Variants in NAALADL2 observed in about 807,000 individuals in gnomAD.
NAALADL2 encodes N-acetylated alpha-linked acidic dipeptidase like 2.
NAALADL2 carries 76 observed loss-of-function variants against 87.2 expected under a neutral mutation model. The ratio of observed to expected loss-of-function variants is 0.87; its 90% confidence interval spans 0.72 to 1.05. The LOEUF (loss-of-function observed/expected upper bound fraction) is 1.05. Ranked by LOEUF, NAALADL2 falls within the 50% of genes least tolerant of loss-of-function variation. NAALADL2 has a pLI of 0.00. For synonymous variants in NAALADL2, 354 were observed against 331.0 expected (o/e 1.07, Z -0.75); for missense variants, 1,089 against 945.8 (o/e 1.15, Z -1.99).
chr3:175,485,933 A>G (rs1022073614), intron 9 of NAALADL2, among the ~76,000 whole-genome samples: 3 of 152,178 alleles, frequency 2.0e-5, no homozygotes, highest in Non-Finnish European at 4.4e-5. Flanking sequence ...TGAGGATACA[A>G]TGAAGTGACA....
chr3:175,480,198 G>T (rs1726252770), intron 9 of NAALADL2, among the ~76,000 whole-genome samples: 1 of 151,676 alleles, frequency 6.6e-6, no homozygotes. Flanking sequence ...TATCTATATT[G>T]TGCCTTAACA....
chr3:174,857,437 C>T (rs1725980156), upstream of NAALADL2, among the ~76,000 whole-genome samples: 2 of 152,106 alleles, frequency 1.3e-5, no homozygotes, highest in Non-Finnish European at 2.9e-5. Flanking sequence ...CCACTTTCAT[C>T]GTAATTTACC....
intron 1 of NAALADL2, among the ~76,000 whole-genome samples, chr3:174,960,822 A>G (rs1311076046): frequency 6.6e-6 from 1 of 151,798 alleles, no homozygotes; most frequent in Non-Finnish European, 1.5e-5. Flanking sequence ...AATAAAATCA[A>G]ATGCTCTAGG....
rs114834260 is a variant in NAALADL2, at chr3:174,485,910, A to G, written c.-184+44878A>G. 2.4e-3 allele frequency among the ~76,000 whole-genome samples: 368 copies of G among 151,998 alleles called. 3 individuals carry two copies. Among genetic ancestry groups the G allele is most frequent in the African/African-American group, 8.4e-3 (347 of 41,480 alleles). On this transcript the variant is annotated intron_variant, in intron 1 of 3. Coordinates refer to the NAALADL2 transcript ENST00000434257. ...TGATCCATCTTGAGTTGATTTTTGT[A>G]TATGATTTAAGGAAGGTGTCCAGTT...
intron 13 of NAALADL2, among the ~76,000 whole-genome samples, chr3:175,799,117 A>ATGTT (rs1418634006): frequency 4.6e-5 from 7 of 152,238 alleles, no homozygotes; most frequent in Non-Finnish European, 1.0e-4. Flanking sequence ...TGGAGATAAA[A>ATGTT]TGTTTGATAC....
intron 3 of NAALADL2, among the ~76,000 whole-genome samples, chr3:174,840,402 A>G (rs936570921): frequency 1.3e-5 from 2 of 152,160 alleles, no homozygotes; most frequent in Non-Finnish European, 2.9e-5. Context: ...AGATAGGGTC[A>G]TGTTTGCCCT....
chr3:175,779,507 AATT>A (rs200091213), intron 13 of NAALADL2, among the ~76,000 whole-genome samples: 4,753 of 152,024 alleles, frequency 0.031, 97 homozygotes, highest in South Asian at 0.047. Flanking sequence ...ATAGGGCAAA[AATT>A]ATAATGTATT....
intron 2 of NAALADL2, among the ~76,000 whole-genome samples, chr3:174,590,861 ACTAG>A (rs1371595214): frequency 6.6e-6 from 1 of 152,146 alleles, no homozygotes; most frequent in East Asian, 1.9e-4. Context: ...TTCAATAAAT[ACTAG>A]CTATTTCGGT....
intron 9 of NAALADL2, among the ~76,000 whole-genome samples, chr3:175,545,285 C>T (rs776172583): frequency 2.0e-5 from 3 of 152,132 alleles, no homozygotes; most frequent in Non-Finnish European, 4.4e-5. Flanking sequence ...TATTTTCTGA[C>T]AGCCCTGACT....
chr3:175,124,480 C>G (rs1726632933), intron 2 of NAALADL2: 1 of 151,970 alleles, frequency 6.6e-6, no homozygotes, highest in African/African-American at 2.4e-5. Flanking sequence ...GGAAAGGCAA[C>G]TGTAGCCACA....
rs548083728 is a variant in NAALADL2 at position 175,620,504 on chromosome 3, C to A, written c.1801-6787C>A. 2.0e-5 allele frequency among the ~76,000 whole-genome samples: 3 copies of A among 152,326 alleles called. No homozygotes were observed. The South Asian group carries it at 6.2e-4, about 32-fold the overall frequency. ...CTCGGCCCCCAGAAGTTTTGCTGCTCTTTCTCCCATAGTCCACTGCTTGGG... is the reference window on the plus strand; with the variant it reads ...CTCGGCCCCCAGAAGTTTTGCTGCTATTTCTCCCATAGTCCACTGCTTGGG... On this transcript the variant is annotated intron_variant, in intron 10 of 13. Coordinates refer to ENST00000454872, the MANE Select transcript of NAALADL2 (RefSeq NM_207015.3).
intron 1 of NAALADL2, among the ~76,000 whole-genome samples, chr3:174,508,786 G>A (rs565485437): frequency 2.0e-5 from 3 of 152,256 alleles, no homozygotes; most frequent in East Asian, 3.9e-4. Context: ...AGTGGCTCAC[G>A]CCTGTAATCC....
chr3:175,044,968 C>A (rs1443671021), intron 1 of NAALADL2, among the ~76,000 whole-genome samples: 2 of 151,060 alleles, frequency 1.3e-5, no homozygotes, highest in Non-Finnish European at 3.0e-5. Context: ...TTTGATTATC[C>A]CTTTACACAT....
chr3:175,500,133 T>A (rs1729343174), intron 9 of NAALADL2, among the ~76,000 whole-genome samples: 1 of 152,058 alleles, frequency 6.6e-6, no homozygotes, highest in South Asian at 2.1e-4. Context: ...ACAAAGAGAA[T>A]TATTCTACCT....
chr3:175,730,389 A>C (rs1489533091), intron 11 of NAALADL2, among the ~76,000 whole-genome samples: 1 of 96,404 alleles, frequency 1.0e-5, no homozygotes, highest in Admixed American at 1.2e-4. Flanking sequence ...CAGAAAACTT[A>C]ATACAGATAT....
intron 11 of NAALADL2, among the ~76,000 whole-genome samples, chr3:175,692,358 C>T (rs1004122349): frequency 4.6e-5 from 7 of 152,044 alleles, no homozygotes; most frequent in East Asian, 1.9e-4. Flanking sequence ...CCTGTGTGCA[C>T]GAAGGAGATT....
chr3:175,213,038 C>T (rs1215709687), intron 2 of NAALADL2, among the ~76,000 whole-genome samples: 1 of 152,088 alleles, frequency 6.6e-6, no homozygotes, highest in Non-Finnish European at 1.5e-5. Flanking sequence ...AAAATAGAAA[C>T]TACTTATTGA....
rs9847291 is a variant in NAALADL2 at position 175,500,757 on chromosome 3, A to G, written c.1653+28999A>G. On this transcript the variant is annotated intron_variant, in intron 9 of 13. Coordinates refer to ENST00000454872, the MANE Select transcript of NAALADL2 (RefSeq NM_207015.3). The stretch of plus-strand genomic sequence containing the variant: ...AAGTGGCGCATAGAGAAATTAAGAT[A>G]CTTAAAAAAATGTACATAGCTAAAA... 6.7e-3 allele frequency among the ~76,000 whole-genome samples: 1,015 copies of G among 152,236 alleles called. 14 individuals carry two copies. Among genetic ancestry groups the G allele is most frequent in the African/African-American group, 0.023 (966 of 41,562 alleles).
chr3:174,901,849 T>C (rs1258308364), intron 1 of NAALADL2, among the ~76,000 whole-genome samples: 3 of 152,182 alleles, frequency 2.0e-5, no homozygotes, highest in African/African-American at 7.2e-5. Flanking sequence ...TTTGCACATA[T>C]ATGCATGGGC....
Sources: allele counts gnomAD v4.1 joint callset (sites outside exome capture counted in the v4.1 genomes callset), GRCh38; gene constraint gnomAD v4.1.1; transcripts MANE v1.5; gene names NCBI Gene and HGNC (gene_info 2026-07-23, HGNC 2026-07-21).